NAA11: variants seen among roughly 807,000 people sequenced by gnomAD.
NAA11 encodes the protein N-alpha-acetyltransferase 11.
NAA11 carries 15 observed loss-of-function variants against 16.1 expected under a neutral mutation model. The ratio of observed to expected loss-of-function variants is 0.93; its 90% CI spans 0.62 to 1.44. The LOEUF is 1.44. Among genes scored for constraint, NAA11 ranks in the 40% most tolerant of loss-of-function variants. The probability of loss-of-function intolerance (pLI) is 0.00; values close to 1 mark genes in which losing one functional copy is unlikely to be tolerated. For missense variants in NAA11, 298 were observed against 291.3 expected (o/e 1.02, Z -0.17); for synonymous variants, 122 against 112.4 (o/e 1.09, Z -0.54).
At chr4:79,250,043 G>A (rs1344120427) in intron 2 of NAA11, among the ~76,000 whole-genome samples, 2 of 152,240 alleles carry the variant, frequency 1.3e-5, no homozygotes, top group Non-Finnish European at 2.9e-5. Flanking sequence ...AGCAAAGGGA[G>A]CTGTCATCCC....
intron 2 of NAA11, among the ~76,000 whole-genome samples, chr4:79,246,869 A>T (rs1721847545): frequency 6.6e-6 from 1 of 152,230 alleles, no homozygotes; most frequent in Admixed American, 6.5e-5. Context: ...TGGTTTTTCT[A>T]ATCGGAATCA....
At chr4:79,169,711 A>G in the NAA11 span, among the ~76,000 whole-genome samples, 3 of 152,206 alleles carry the variant, frequency 2.0e-5, no homozygotes, top group Non-Finnish European at 4.4e-5. Flanking sequence ...TAAAACACCA[A>G]TAGCAATGGC....
intron 2 of NAA11, chr4:79,227,859 T>A (rs1256672836): frequency 6.6e-6 from 1 of 151,998 alleles, no homozygotes; most frequent in Non-Finnish European, 1.5e-5. Context: ...TAAAAACAAG[T>A]CACTTCTATC....
At chr4:79,246,771 C>A (rs1000783266) in intron 2 of NAA11, among the ~76,000 whole-genome samples, 3 of 152,132 alleles carry the variant, frequency 2.0e-5, no homozygotes, top group Admixed American at 2.0e-4. Flanking sequence ...GCAGAGAGGC[C>A]TGGAGTGGAA....
At chr4:79,288,234 T>A (rs1385051) in intron 2 of NAA11, among the ~76,000 whole-genome samples, 91,107 of 151,950 alleles carry the variant, frequency 0.6, 28,813 homozygotes, top group African/African-American at 0.8. Flanking sequence ...TTTCCCCCAG[T>A]CTGTATTAGC....
the NAA11 span, among the ~76,000 whole-genome samples, chr4:79,196,979 A>AAAAAAAAAAAAAAG: frequency 3.0e-4 from 38 of 125,540 alleles, no homozygotes; most frequent in Non-Finnish European, 4.2e-4. Flanking sequence ...AAAAAAAAAA[A>AAAAAAAAAAAAAAG]AAAGAAAGAA....
At chr4:79,202,648 T>TATATATATATATATATATATAA in the NAA11 span, among the ~76,000 whole-genome samples, 3 of 127,698 alleles carry the variant, frequency 2.3e-5, no homozygotes, top group African/African-American at 5.3e-5. Context: ...TATATATATA[T>TATATATATATATATATATATAA]ATCTGTGTAA....
At chr4:79,267,940 CACCAGT>C (rs1722388219) in intron 2 of NAA11, among the ~76,000 whole-genome samples, 1 of 152,076 alleles carries the variant, frequency 6.6e-6, no homozygotes, top group Non-Finnish European at 1.5e-5. Context: ...CAAGTATGTT[CACCAGT>C]ACTATATTAG....
At chr4:79,213,023 A>G in the NAA11 span, among the ~76,000 whole-genome samples, 1 of 152,138 alleles carries the variant, frequency 6.6e-6, no homozygotes, top group Non-Finnish European at 1.5e-5. Context: ...ATAACACCAA[A>G]TACAGTACTC....
At chr4:79,223,753 A>AT (rs200750063), downstream of NAA11, among the ~76,000 whole-genome samples, 550 of 145,716 alleles carry the variant, frequency 3.8e-3, 4 homozygotes, top group African/African-American at 9.8e-3. Flanking sequence ...ACTTGAAATA[A>AT]TTTTTTTTTT....
intron 2 of NAA11, among the ~76,000 whole-genome samples, chr4:79,261,305 T>C (rs1451462054): frequency 2.0e-5 from 3 of 152,202 alleles, no homozygotes; most frequent in Non-Finnish European, 2.9e-5. Flanking sequence ...GGTATTGTTT[T>C]GGCTGAGTGT....
rs1184336231 is a variant in NAA11, at chr4:79,272,790, A to G, written c.*122+21215T>C. On this transcript the variant is annotated intron_variant and NMD_transcript_variant, in intron 2 of 2. Transcript: ENST00000511542. ...TCCGATGCTCACATTCTGTGGGTCA[A>G]TAATTCAAGGACAACCTGTCTATAC... Among the ~76,000 whole-genome samples, 7 of 151,994 alleles carry G rather than the reference A, an allele frequency of 4.6e-5. No homozygotes were observed. The East Asian group carries it at 9.7e-4, about 21-fold the overall frequency.
rs1005698542 is a variant in NAA11, at chr4:79,277,048, A to C, written c.*122+16957T>G. Among the ~76,000 whole-genome samples the C allele has an allele frequency of 7.2e-5, 11 of 152,280 alleles. 1 individual carries two copies. The highest frequency in any genetic ancestry group is 5.2e-4 in the Admixed American group (8 of 15,296). ...AGCCTTAGACATGATATTAGCAGAAAGAGGAGGAGTTTGCATCATGATTAA... is the reference window on the plus strand; with the variant it reads ...AGCCTTAGACATGATATTAGCAGAACGAGGAGGAGTTTGCATCATGATTAA... On this transcript the variant is annotated intron_variant and NMD_transcript_variant, in intron 2 of 2. Coordinates refer to the NAA11 transcript ENST00000511542.
chr4:79,178,197 C>A, the NAA11 span, among the ~76,000 whole-genome samples: 2 of 152,090 alleles, frequency 1.3e-5, no homozygotes, highest in Non-Finnish European at 2.9e-5. Context: ...TTAGTTTTGT[C>A]CATATTTAAT....
the NAA11 span, among the ~76,000 whole-genome samples, chr4:79,199,203 A>G: frequency 6.6e-6 from 1 of 151,912 alleles, no homozygotes; most frequent in African/African-American, 2.4e-5. Flanking sequence ...TCTGCCATTT[A>G]AGTAACAGTA....
At chr4:79,182,863 G>C in the NAA11 span, among the ~76,000 whole-genome samples, 3,918 of 152,004 alleles carry the variant, frequency 0.026, 162 homozygotes, top group African/African-American at 0.09. Flanking sequence ...CAATATTTTG[G>C]ATTATTTCAT....
intron 2 of NAA11, among the ~76,000 whole-genome samples, chr4:79,281,702 A>G (rs139278945): frequency 8.6e-4 from 131 of 152,284 alleles, no homozygotes; most frequent in Middle Eastern, 3.4e-3. Flanking sequence ...AGGAATTAGC[A>G]TGTACACAAT....
intron 1 of NAA11, among the ~76,000 whole-genome samples, chr4:79,300,304 C>A (rs1723349217): frequency 6.6e-6 from 1 of 152,120 alleles, no homozygotes; most frequent in Non-Finnish European, 1.5e-5. Context: ...TAACATGTTT[C>A]ATCTCAAAGC....
chr4:79,234,769 TC>T (rs1326860975), intron 2 of NAA11, among the ~76,000 whole-genome samples: 1 of 152,146 alleles, frequency 6.6e-6, no homozygotes, highest in African/African-American at 2.4e-5. Flanking sequence ...TGGGTTTTTT[TC>T]ATATCAATTG....
Sources: gnomAD v4.1 joint callset for allele counts (sites outside exome capture counted in the v4.1 genomes callset) on GRCh38, gnomAD v4.1.1 for gene constraint, MANE v1.5 for transcripts, NCBI Gene and HGNC (gene_info 2026-07-23, HGNC 2026-07-21) for gene names.